The following CCSER2 variants were observed in gnomAD, a reference collection of about 807,000 sequenced individuals.
CCSER2 encodes serine-rich coiled-coil domain-containing protein 2.
In CCSER2, 46 loss-of-function variants were observed where a neutral mutation model predicts 92.3. The observed-to-expected ratio is 0.50, with a 90% CI of 0.39 to 0.64. CCSER2 has a LOEUF of 0.64. Among genes scored for constraint, CCSER2 ranks in the 30% least tolerant of loss-of-function variants. The pLI is 0.00. For missense variants in CCSER2, 1,244 were observed against 1,238.9 expected (o/e 1.00, Z -0.06); for synonymous variants, 433 against 431.4 (o/e 1.00, Z -0.04).
intron 7 of CCSER2, among the ~76,000 whole-genome samples, chr10:84,467,457 C>T (rs1030711928): frequency 6.6e-6 from 1 of 152,088 alleles, no homozygotes; most frequent in South Asian, 2.1e-4. Flanking sequence ...TCTCACCCCC[C>T]ACATATGTGT....
rs1843356962 is a variant in CCSER2, at chr10:84,425,064, TG to T, written c.1706-663del. On this transcript the variant is annotated intron_variant, in intron 4 of 9. Coordinates refer to ENST00000372088, the MANE Select transcript of CCSER2 (RefSeq NM_001284240.2). Reference sequence around the variant, plus strand: ...AAGTATTTGGGTAAGTGAAGAAGCTTGGGGTGTTTCAAAGAGATTCTTTTCG... The same window carrying T: ...AAGTATTTGGGTAAGTGAAGAAGCTTGGGTGTTTCAAAGAGATTCTTTTCG... 4 of 964,288 alleles carry T rather than the reference TG, an allele frequency of 4.1e-6. No homozygotes were observed. The South Asian group carries it at 1.9e-4, about 46-fold the overall frequency. The allele number at this position is 964,288 out of a possible 1,614,324, so 59.7% of individuals were successfully genotyped here.
At chr10:84,457,017 G>A (rs755204037) in intron 6 of CCSER2, among the ~76,000 whole-genome samples, 1 of 150,376 alleles carries the variant, frequency 6.6e-6, no homozygotes, top group Admixed American at 6.7e-5. Flanking sequence ...TTTTAAAAAT[G>A]GGACTAGCTT....
chr10:84,484,381 G>C (rs1847675726), intron 9 of CCSER2, among the ~76,000 whole-genome samples: 1 of 151,994 alleles, frequency 6.6e-6, no homozygotes, highest in Admixed American at 6.6e-5. Flanking sequence ...CCAAAGTGCT[G>C]GGACCACAGG....
At chr10:84,429,942 G>GT (rs1843673194) in intron 5 of CCSER2, among the ~76,000 whole-genome samples, 1 of 151,490 alleles carries the variant, frequency 6.6e-6, no homozygotes. Flanking sequence ...ATTTGTTGTT[G>GT]TGTTTTTTTG....
chr10:84,348,519 C>G (rs1052704713), intron 1 of CCSER2, among the ~76,000 whole-genome samples: 1 of 151,788 alleles, frequency 6.6e-6, no homozygotes, highest in South Asian at 2.1e-4. Context: ...AGGGCAAGGG[C>G]GAGGGCGAGG....
chr10:84,366,059 C>T (rs549465888), intron 1 of CCSER2, among the ~76,000 whole-genome samples: 2 of 152,252 alleles, frequency 1.3e-5, no homozygotes, highest in South Asian at 4.1e-4. Context: ...CATGTCACTA[C>T]TTCAGAAGCT....
intron 1 of CCSER2, among the ~76,000 whole-genome samples, chr10:84,333,487 T>C (rs768388511): frequency 6.6e-6 from 1 of 152,212 alleles, no homozygotes; most frequent in Non-Finnish European, 1.5e-5. Flanking sequence ...AGCCTGCTTT[T>C]AAAAGATGCT....
At chr10:84,405,800 G>T (rs1842347601) in intron 3 of CCSER2, among the ~76,000 whole-genome samples, 1 of 152,144 alleles carries the variant, frequency 6.6e-6, no homozygotes, top group Admixed American at 6.6e-5. Flanking sequence ...AGTAACTAAG[G>T]GCTGTTGAGG....
intron 9 of CCSER2, 107 bp downstream of exon 9, chr10:84,477,771 T>C: frequency 1.6e-6 from 1 of 633,016 alleles, no homozygotes; most frequent in Non-Finnish European, 2.7e-6. Flanking sequence ...GTCATGGCTG[T>C]TAATTTTTTT....
chr10:84,348,602 A>T (rs958288368), intron 1 of CCSER2, among the ~76,000 whole-genome samples: 1 of 152,146 alleles, frequency 6.6e-6, no homozygotes, highest in African/African-American at 2.4e-5. Flanking sequence ...TGTCTCCCTG[A>T]TGGGGCCACT....
chr10:84,445,716 A>C (rs945125514), intron 6 of CCSER2, among the ~76,000 whole-genome samples: 3 of 152,226 alleles, frequency 2.0e-5, no homozygotes, highest in Non-Finnish European at 4.4e-5. Context: ...GAAATAATAT[A>C]GGATATACTT....
At chr10:84,349,121 AGAAT>A (rs1045329374) in intron 1 of CCSER2, among the ~76,000 whole-genome samples, 31 of 152,252 alleles carry the variant, frequency 2.0e-4, no homozygotes, top group African/African-American at 7.5e-4. Context: ...TAAAGAGCAA[AGAAT>A]GAGTCATGAG....
intron 9 of CCSER2, among the ~76,000 whole-genome samples, chr10:84,497,853 G>C (rs909518635): frequency 1.3e-5 from 2 of 152,130 alleles, no homozygotes; most frequent in Admixed American, 6.5e-5. Flanking sequence ...TAAAAATAGA[G>C]TTATAAAATT....
At chr10:84,377,487 A>G (rs184833998) in intron 3 of CCSER2, among the ~76,000 whole-genome samples, 16 of 152,280 alleles carry the variant, frequency 1.1e-4, no homozygotes, top group Admixed American at 9.8e-4. Context: ...CATTGCATAG[A>G]CAAATATTTC....
chr10:84,347,096 G>C (rs903383351), intron 1 of CCSER2, among the ~76,000 whole-genome samples: 7 of 152,172 alleles, frequency 4.6e-5, no homozygotes, highest in Non-Finnish European at 1.0e-4. Context: ...ACATGGTTGC[G>C]GGTAAGGTCA....
intron 6 of CCSER2, among the ~76,000 whole-genome samples, chr10:84,462,582 G>C (rs964393653): frequency 6.6e-6 from 1 of 152,154 alleles, no homozygotes; most frequent in African/African-American, 2.4e-5. Flanking sequence ...TTAAAAATGT[G>C]TTCCGAGAAT....
Position 84,359,924 on chromosome 10 carries a change from C to G in CCSER2, c.-39-11090C>G, listed in dbSNP as rs147967193. Among the ~76,000 whole-genome samples the G allele has an allele frequency of 4.4e-3, 667 of 152,174 alleles. 4 individuals carry two copies. The highest frequency in any genetic ancestry group is 0.015 in the African/African-American group (621 of 41,502). On this transcript the variant is annotated intron_variant, in intron 1 of 9. Transcript: ENST00000372088. The stretch of plus-strand genomic sequence containing the variant: ...CACCTCCCGAGTTCAAGTGATTCTC[C>G]TATCTCAGCCTCCCAAGTAGCTGGG...
chr10:84,453,340 G>A (rs370334530), intron 6 of CCSER2, among the ~76,000 whole-genome samples: 2 of 152,284 alleles, frequency 1.3e-5, no homozygotes, highest in Admixed American at 6.5e-5. Flanking sequence ...AGAAGATCAC[G>A]TAGTAAATAT....
At chr10:84,478,526 A>G (rs1436496210) in intron 9 of CCSER2, among the ~76,000 whole-genome samples, 1 of 152,202 alleles carries the variant, frequency 6.6e-6, no homozygotes, top group Non-Finnish European at 1.5e-5. Flanking sequence ...TAAAGTTTAT[A>G]AAAGAGTTTT....
Sources: gnomAD v4.1 joint callset for allele counts (sites outside exome capture counted in the v4.1 genomes callset) on GRCh38, gnomAD v4.1.1 for gene constraint, MANE v1.5 for transcripts, NCBI Gene and HGNC (gene_info 2026-07-23, HGNC 2026-07-21) for gene names.